DICER1: variants seen among roughly 807,000 people sequenced by gnomAD.
The protein encoded by DICER1 is dicer 1, ribonuclease III.
In DICER1, 43 loss-of-function variants were observed where a neutral mutation model predicts 194.1. The observed-to-expected ratio is 0.22, with a 90% CI of 0.17 to 0.29. The LOEUF (loss-of-function observed/expected upper bound fraction) is 0.29. Among genes scored for constraint, DICER1 ranks in the 10% least tolerant of loss-of-function variants. The pLI is 1.00. For missense variants in DICER1, 1,608 were observed against 2,317.0 expected (o/e 0.69, Z 6.28); for synonymous variants, 832 against 820.5 (o/e 1.01, Z -0.24).
Position 95,105,397 on chromosome 14 carries a change from C to A in DICER1, c.3094-151G>T. On this transcript the variant is annotated intron_variant, in intron 19 of 26. Transcript: ENST00000343455. The surrounding 1 kb of genome is among the most constrained non-coding windows in gnomAD (Gnocchi z 4.9). Reference sequence around the variant, plus strand: ...ATTTGTAAAAATAATCCTCTAAGGCCAAATGGGATTTATCAAAGGATTTAT... The same window carrying A: ...ATTTGTAAAAATAATCCTCTAAGGCAAAATGGGATTTATCAAAGGATTTAT... 1.3e-6 allele frequency: 1 copy of A among 792,440 alleles called. No homozygotes were observed. Among genetic ancestry groups the A allele is most frequent in the Admixed American group, 2.5e-5 (1 of 39,810 alleles). The allele number at this position is 792,440 out of a possible 1,614,324, so 49.1% of individuals were successfully genotyped here.
chr14:95,104,190 C>A (rs2139973289), intron 20 of DICER1, 64 bp from the exon 21 acceptor site: 2 of 1,344,560 alleles, frequency 1.5e-6, no homozygotes, highest in African/African-American at 1.5e-5. Context: ...AGAGCAACAG[C>A]AATTTGAATT....
At chr14:95,123,300 T>C (rs1032132719) in intron 8 of DICER1, among the ~76,000 whole-genome samples, 3 of 152,230 alleles carry the variant, frequency 2.0e-5, no homozygotes, top group African/African-American at 7.2e-5. Flanking sequence ...ATATCACCTT[T>C]GCTAATAGTC....
chr14:95,144,564 T>C (rs1895016622), intron 1 of DICER1, among the ~76,000 whole-genome samples: 1 of 152,202 alleles, frequency 6.6e-6, no homozygotes. Context: ...CCATTTTTTT[T>C]AGCATAATTC....
intron 1 of DICER1, among the ~76,000 whole-genome samples, 167 bp downstream of exon 1, chr14:95,157,063 G>A (rs552487870): frequency 1.1e-3 from 166 of 151,702 alleles, no homozygotes; most frequent in African/African-American, 3.8e-3. Flanking sequence ...GCGCTGTGCG[G>A]GACGACGAGG....
intron 23 of DICER1, 111 bp from the exon 24 acceptor site, chr14:95,094,267 T>C (rs1261142204): frequency 1.5e-6 from 2 of 1,365,442 alleles, no homozygotes; most frequent in Non-Finnish European, 1.0e-6. Flanking sequence ...ATCATTTTCA[T>C]ACATATATTC....
rs2139968301 is a variant in DICER1 at position 95,103,945 on chromosome 14, C to T, written c.3451G>A (p.Val1151Met). The T allele has an allele frequency of 6.2e-7, 1 of 1,614,170 alleles. No homozygotes were observed. The highest frequency in any genetic ancestry group is 8.5e-7 in the Non-Finnish European group (1 of 1,180,026). The change falls in exon 21 of 27, where the codon GTG (valine) becomes ATG (methionine). Residue 1151 changes from valine to methionine, a missense_variant. Val to Met is a conservative substitution (Grantham distance 21). Coordinates refer to ENST00000343455, the MANE Select transcript of DICER1 (RefSeq NM_177438.3). ...TCGCTGAGCAACGTTCTGCAGTTCA[C>T]AGACATTTGGTCATGATTTTCTAGA... ...SSLENHDQMS[V>M]NCRTLLSESP...
At chr14:95,140,939 C>G (rs1226216573) in intron 1 of DICER1, among the ~76,000 whole-genome samples, 1 of 152,012 alleles carries the variant, frequency 6.6e-6, no homozygotes, top group Non-Finnish European at 1.5e-5. Context: ...AAACAAAGAA[C>G]AAGAGAATAA....
Position 95,090,463 on chromosome 14 carries a change from GT to G in DICER1, c.*34del, listed in dbSNP as rs1384920683. 4 of 1,605,852 alleles carry G rather than the reference GT, an allele frequency of 2.5e-6. No homozygotes were observed. Among genetic ancestry groups the G allele is most frequent in the Non-Finnish European group, 3.4e-6 (4 of 1,175,728 alleles). On this transcript the variant is annotated 3_prime_UTR_variant, in exon 27 of 27. Coordinates refer to ENST00000343455, the MANE Select transcript of DICER1 (RefSeq NM_177438.3). Reference sequence around the variant, plus strand: ...AATAATTTTCCCCTTAATTTTTTTTGTTTTGTTTCTTGTTTTGAATTTTAAA... The same window carrying G: ...AATAATTTTCCCCTTAATTTTTTTTGTTTGTTTCTTGTTTTGAATTTTAAA...
At chr14:95,126,538 C>T (rs955767508) in intron 7 of DICER1, 42 bp downstream of exon 7, 1 of 1,267,362 alleles carries the variant, frequency 7.9e-7, no homozygotes, top group Non-Finnish European at 1.1e-6. Context: ...ATTAACAAAG[C>T]TTTCAAAATA....
In DICER1 at chr14:95,108,148, T is replaced by C. The variant is rs1891621697; in HGVS notation, c.2437-55A>G. The C allele has an allele frequency of 9.8e-6, 14 of 1,433,112 alleles. No homozygotes were observed. The South Asian group carries it at 1.6e-4, about 17-fold the overall frequency. The allele number at this position is 1,433,112 out of a possible 1,614,324, so 88.8% of individuals were successfully genotyped here. A position where few individuals can be genotyped will look rare whatever the true frequency, so the allele number is the denominator to read the frequency against. On this transcript the variant is annotated intron_variant, in intron 15 of 26. Coordinates refer to ENST00000343455, the MANE Select transcript of DICER1 (RefSeq NM_177438.3). The stretch of plus-strand genomic sequence containing the variant: ...CAAAATTAACAGGTATTTTATTCCA[T>C]TACAGTTAACTTCAGAACAGAAATG...
intron 14 of DICER1, among the ~76,000 whole-genome samples, chr14:95,109,296 G>C (rs1172910202): frequency 6.6e-6 from 1 of 152,192 alleles, no homozygotes; most frequent in East Asian, 1.9e-4. Flanking sequence ...TGCATCTGTA[G>C]TTAAAAGGTA....
At chr14:95,107,803 T>A (rs1037461885) in intron 16 of DICER1, 42 bp from the exon 17 acceptor site, 1 of 1,611,454 alleles carries the variant, frequency 6.2e-7, no homozygotes, top group Admixed American at 1.7e-5. Context: ...TAAAACATGA[T>A]ACAGATAAGT....
rs755007541 is a variant in DICER1, at chr14:95,124,555, C to T, written c.1017G>A (p.Glu339=). The T allele has an allele frequency of 1.9e-6, 3 of 1,613,856 alleles. No homozygotes were observed. Among genetic ancestry groups the T allele is most frequent in the Non-Finnish European group, 1.7e-6 (2 of 1,179,996 alleles). Residue 339 remains glutamate (E), a synonymous_variant, in exon 8 of 27, where the codon GAG becomes GAA. Coordinates refer to ENST00000343455, the MANE Select transcript of DICER1 (RefSeq NM_177438.3). The surrounding 1 kb of genome is among the most constrained non-coding windows in gnomAD (Gnocchi z 4.5). ...LQKYIKHEQE[E]LHRKFLLFTD... is the part of the protein sequence containing the mutation. ...TAAACAATAAAAATTTCCTGTGCAG[C>T]TCCTCTTGCTCATGTTTGATGTATT...
Position 95,116,326 on chromosome 14 carries a change from A to G in DICER1, c.1752+127T>C, listed in dbSNP as rs117444421. On this transcript the variant is annotated intron_variant, in intron 10 of 26. Transcript: ENST00000343455. The stretch of plus-strand genomic sequence containing the variant: ...CTTCCTTACAATGTACACAGAGTAC[A>G]CCTCTTTTGAGATTATTGCCTGTAG... The G allele has an allele frequency of 2.0e-3, 2,320 of 1,162,840 alleles. 48 individuals are homozygous for G. The East Asian group carries it at 0.042, about 21-fold the overall frequency. 72.0% of individuals were successfully genotyped at this position (1,162,840 alleles called of 1,614,324 possible).
At chr14:95,122,918 G>A (rs1489436367) in intron 8 of DICER1, among the ~76,000 whole-genome samples, 5 of 151,652 alleles carry the variant, frequency 3.3e-5, no homozygotes, top group East Asian at 1.9e-4. Context: ...AGTTAAGCGC[G>A]TGTGCGCGTG....
chr14:95,147,784 T>G (rs1201282294), intron 1 of DICER1, among the ~76,000 whole-genome samples: 1 of 152,224 alleles, frequency 6.6e-6, no homozygotes, highest in Non-Finnish European at 1.5e-5. Context: ...GGTTATTTTT[T>G]GCCCGTGCTC....
rs564060076 is a variant in DICER1 at position 95,098,679 on chromosome 14, A to AC, written c.4206+1100dup. On this transcript the variant is annotated intron_variant, in intron 22 of 26. Transcript: ENST00000343455. ...TTACTGGAATGTTATTCATAGAAAT[A>AC]CCATACCATTTCTAAAGTTGAAAAT... Among the ~76,000 whole-genome samples, 3 of 152,358 alleles carry AC rather than the reference A, an allele frequency of 2.0e-5. No homozygotes were observed. The East Asian group carries it at 5.8e-4, about 29-fold the overall frequency.
In DICER1 at chr14:95,107,485, C is replaced by G; in HGVS notation, c.2804+123G>C. The G allele has an allele frequency of 8.7e-6, 8 of 914,950 alleles. No individual in the cohort carries two copies. The South Asian group carries it at 1.1e-4, about 12-fold the overall frequency. The allele number at this position is 914,950 out of a possible 1,614,324, so 56.7% of individuals were successfully genotyped here. ...CAGGATGGTCTCAATCTCCTGACCT[C>G]ATGATCTGCCCGCCTTGGCCTCCCA... On this transcript the variant is annotated intron_variant, in intron 17 of 26. Coordinates refer to ENST00000343455, the MANE Select transcript of DICER1 (RefSeq NM_177438.3).
chr14:95,155,728 C>G (rs924552288), intron 1 of DICER1, among the ~76,000 whole-genome samples: 1 of 152,208 alleles, frequency 6.6e-6, no homozygotes. Flanking sequence ...CTTAAAACAG[C>G]ATTTTGGTGC....
Sources: allele counts gnomAD v4.1 joint callset (sites outside exome capture counted in the v4.1 genomes callset), GRCh38; gene constraint gnomAD v4.1.1; non-coding constraint Gnocchi (gnomAD v3.1); transcripts MANE v1.5; gene names NCBI Gene and HGNC (gene_info 2026-07-23, HGNC 2026-07-21).